The following SHISA6 variants were observed in gnomAD, a reference collection of about 807,000 sequenced individuals.
The protein encoded by SHISA6 is shisa family member 6.
Under a neutral mutation model 47.9 loss-of-function variants are expected in SHISA6, and 22 were observed. That is an observed-to-expected ratio of 0.46 (90% CI 0.33 to 0.66). The LOEUF (loss-of-function observed/expected upper bound fraction) is 0.66, where lower values mean the gene tolerates loss of function less well. Among genes scored for constraint, SHISA6 ranks in the 30% least tolerant of loss-of-function variants. The probability of loss-of-function intolerance (pLI) is 0.02; values close to 1 mark genes in which losing one functional copy is unlikely to be tolerated. For missense variants in SHISA6, 680 were observed against 764.6 expected (o/e 0.89, Z 1.30); for synonymous variants, 388 against 337.8 (o/e 1.15, Z -1.63).
chr17:11,304,311 C>G (rs1459711472), intron 2 of SHISA6, among the ~76,000 whole-genome samples: 1 of 152,168 alleles, frequency 6.6e-6, no homozygotes. Context: ...GCTTCACGAG[C>G]AGAGGGAGGA....
chr17:11,328,818 G>C (rs1412940534), intron 2 of SHISA6, among the ~76,000 whole-genome samples: 1 of 152,148 alleles, frequency 6.6e-6, no homozygotes, highest in Non-Finnish European at 1.5e-5. Flanking sequence ...AGGGAGGAAA[G>C]GGTGCCCCTT....
At chr17:11,447,107 A>G (rs1365840678) in intron 3 of SHISA6, among the ~76,000 whole-genome samples, 3 of 152,222 alleles carry the variant, frequency 2.0e-5, no homozygotes, top group Non-Finnish European at 4.4e-5. Flanking sequence ...TTTTGCCTCA[A>G]TAACAATGAG....
chr17:11,335,015 A>T (rs1312792028), intron 2 of SHISA6, among the ~76,000 whole-genome samples: 1 of 152,222 alleles, frequency 6.6e-6, no homozygotes, highest in Non-Finnish European at 1.5e-5. Context: ...GGAGGCTGGC[A>T]ACTTATTCAG....
At chr17:11,305,743 A>C (rs955587252) in intron 2 of SHISA6, among the ~76,000 whole-genome samples, 1 of 152,028 alleles carries the variant, frequency 6.6e-6, no homozygotes, top group African/African-American at 2.4e-5. Flanking sequence ...CATGACAGAG[A>C]GTGGAGGAGA....
intron 2 of SHISA6, among the ~76,000 whole-genome samples, chr17:11,355,603 C>A (rs143483308): frequency 6.6e-6 from 1 of 152,268 alleles, no homozygotes; most frequent in East Asian, 1.9e-4. Context: ...AAAACAACTG[C>A]CAAAAATATA....
chr17:11,459,294 T>C (rs1057417670), intron 3 of SHISA6, among the ~76,000 whole-genome samples: 7 of 150,502 alleles, frequency 4.7e-5, no homozygotes, highest in African/African-American at 1.7e-4. Flanking sequence ...AGCCCTCCCC[T>C]ACCCTCCTAC....
At chr17:11,509,504 A>AGCAC (rs1166402597) in intron 3 of SHISA6, among the ~76,000 whole-genome samples, 1 of 152,214 alleles carries the variant, frequency 6.6e-6, no homozygotes, top group East Asian at 1.9e-4. Flanking sequence ...TGGTGTAACC[A>AGCAC]GCACGAACAC....
chr17:11,538,143 A>C (rs2908966), intron 3 of SHISA6, among the ~76,000 whole-genome samples: 63,938 of 151,898 alleles, frequency 0.42, 13,950 homozygotes, highest in East Asian at 0.59. Context: ...GGCTCACTGC[A>C]ACTTCTGCCT....
intron 2 of SHISA6, among the ~76,000 whole-genome samples, chr17:11,324,861 A>G (rs1221085751): frequency 6.6e-6 from 1 of 152,074 alleles, no homozygotes; most frequent in Non-Finnish European, 1.5e-5. Flanking sequence ...GATCAAAGAT[A>G]CTCAAAGTGA....
intron 3 of SHISA6, among the ~76,000 whole-genome samples, chr17:11,399,334 A>T (rs1484197259): frequency 6.6e-6 from 1 of 152,210 alleles, no homozygotes; most frequent in Non-Finnish European, 1.5e-5. Flanking sequence ...TGACTGTACT[A>T]ATCAATATTG....
At chr17:11,545,582 G>A (rs896758740) in intron 3 of SHISA6, among the ~76,000 whole-genome samples, 1 of 152,190 alleles carries the variant, frequency 6.6e-6, no homozygotes, top group Admixed American at 6.5e-5. Flanking sequence ...ATAGTTGCAT[G>A]TGAGACTATA....
chr17:11,393,410 C>T, intron 3 of SHISA6, among the ~76,000 whole-genome samples: 1 of 152,282 alleles, frequency 6.6e-6, no homozygotes, highest in South Asian at 2.1e-4. Flanking sequence ...GCAAAGGTCT[C>T]CTCCATGCAG....
At chr17:11,557,299 G>C (rs2071990742) in intron 5 of SHISA6, among the ~76,000 whole-genome samples, 1 of 152,238 alleles carries the variant, frequency 6.6e-6, no homozygotes. Context: ...GGATGTTTTA[G>C]TAAGACAGAT....
intron 2 of SHISA6, among the ~76,000 whole-genome samples, chr17:11,347,476 A>G (rs752817524): frequency 2.0e-4 from 31 of 152,330 alleles, no homozygotes; most frequent in South Asian, 8.3e-4. Context: ...AGAACTTAAT[A>G]TATATCAGAA....
At chr17:11,445,407 A>G (rs999257392) in intron 3 of SHISA6, among the ~76,000 whole-genome samples, 1 of 152,186 alleles carries the variant, frequency 6.6e-6, no homozygotes, top group Non-Finnish European at 1.5e-5. Flanking sequence ...TTGCATGCAA[A>G]CCGTCACTGT....
chr17:11,517,066 T>C (rs531518481), intron 3 of SHISA6, among the ~76,000 whole-genome samples: 16 of 152,322 alleles, frequency 1.1e-4, no homozygotes, highest in Admixed American at 2.0e-4. Flanking sequence ...TAGATCATAA[T>C]GGTGTAAGTA....
intron 4 of SHISA6, among the ~76,000 whole-genome samples, chr17:11,552,178 G>C (rs1284112266): frequency 6.6e-6 from 1 of 152,168 alleles, no homozygotes; most frequent in East Asian, 1.9e-4. Context: ...ATGATCTCTT[G>C]ACATAAACAG....
intron 2 of SHISA6, among the ~76,000 whole-genome samples, chr17:11,352,818 A>G (rs918283569): frequency 1.3e-5 from 2 of 152,178 alleles, no homozygotes; most frequent in Admixed American, 6.5e-5. Flanking sequence ...CCCCCCTTTT[A>G]TTGGAGTGGT....
chr17:11,527,203 G>A (rs771786236), intron 3 of SHISA6, among the ~76,000 whole-genome samples: 5 of 152,088 alleles, frequency 3.3e-5, no homozygotes, highest in South Asian at 2.1e-4. Flanking sequence ...GAAGAATGAT[G>A]GATGAGTCTT....
Sources: allele counts gnomAD v4.1 joint callset (sites outside exome capture counted in the v4.1 genomes callset), GRCh38; gene constraint gnomAD v4.1.1; transcripts MANE v1.5; gene names NCBI Gene and HGNC (gene_info 2026-07-23, HGNC 2026-07-21).